Variants in CABCOCO1 observed in about 807,000 individuals in gnomAD.
CABCOCO1 encodes the protein ciliary-associated calcium-binding coiled-coil protein 1.
In CABCOCO1, 28 loss-of-function variants were observed where a neutral mutation model predicts 35.7. The observed-to-expected ratio is 0.78, with a 90% CI of 0.58 to 1.07. The LOEUF (loss-of-function observed/expected upper bound fraction) is 1.07, where lower values mean the gene tolerates loss of function less well. Among genes scored for constraint, CABCOCO1 ranks in the 50% least tolerant of loss-of-function variants. The pLI is 0.00. For missense variants in CABCOCO1, 326 were observed against 309.2 expected (o/e 1.05, Z -0.41); for synonymous variants, 95 against 100.1 (o/e 0.95, Z 0.30).
chr10:61,760,055 T>G lies in CABCOCO1; in HGVS notation c.553-4T>G. ...TCATAATTCAACTTTTTTCTTCCCA[T>G]CAGCAAGTGATAGAGGTTGTCAAGT... On this transcript the variant is annotated splice_polypyrimidine_tract_variant and splice_region_variant and intron_variant, in intron 5 of 7. Coordinates refer to ENST00000648843, the MANE Select transcript of CABCOCO1 (RefSeq NM_001366906.2). 14 of 1,612,336 alleles carry G rather than the reference T, an allele frequency of 8.7e-6. No homozygotes were observed. The highest frequency in any genetic ancestry group is 1.2e-5 in the Non-Finnish European group (14 of 1,179,002).
At chr10:61,717,602 C>CA (rs928136134) in intron 5 of CABCOCO1, among the ~76,000 whole-genome samples, 2 of 151,366 alleles carry the variant, frequency 1.3e-5, no homozygotes, top group African/African-American at 4.9e-5. Context: ...GGTGGAAAAA[C>CA]AAAAAAGGAG....
At chr10:61,686,302 A>G in intron 4 of CABCOCO1, 117 bp downstream of exon 4, 1 of 851,172 alleles carries the variant, frequency 1.2e-6, no homozygotes, top group Non-Finnish European at 1.7e-6. Context: ...TTTATGCCAT[A>G]ATTAGCCCAA....
Position 61,760,893 on chromosome 10 carries a change from T to C in CABCOCO1, c.706T>C (p.Ser236Pro). 6.2e-7 allele frequency: 1 copy of C among 1,612,436 alleles called. No individual in the cohort carries two copies. Among genetic ancestry groups the C allele is most frequent in the South Asian group, 1.1e-5 (1 of 91,006 alleles). Residue 236 changes from serine to proline, a missense_variant, in exon 7 of 8, where the codon TCT (serine) becomes CCT (proline). Coordinates refer to ENST00000648843, the MANE Select transcript of CABCOCO1 (RefSeq NM_001366906.2). The part of the protein sequence containing the change: ...RLDQEQGPEE[S>P]QPETDTSDMD... The stretch of plus-strand genomic sequence containing the variant: ...GGATCAAGAACAAGGCCCTGAGGAG[T>C]CTCAGCCAGAAACTGACACCTCAGA...
intron 2 of CABCOCO1, among the ~76,000 whole-genome samples, chr10:61,680,087 G>T (rs1179917525): frequency 6.6e-6 from 1 of 151,758 alleles, no homozygotes; most frequent in African/African-American, 2.4e-5. Context: ...AAGGCGGGCA[G>T]ATCACTTGAG....
intron 2 of CABCOCO1, among the ~76,000 whole-genome samples, chr10:61,680,700 ATG>A (rs1327448692): frequency 8.3e-6 from 1 of 120,936 alleles, no homozygotes; most frequent in Non-Finnish European, 1.7e-5. Context: ...TAACATATAT[ATG>A]TTATACATGT....
intron 5 of CABCOCO1, among the ~76,000 whole-genome samples, chr10:61,750,460 C>A (rs1470222345): frequency 6.6e-6 from 1 of 152,092 alleles, no homozygotes; most frequent in African/African-American, 2.4e-5. Context: ...CCTGTAATCC[C>A]AGCTACTTGG....
At chr10:61,760,698 C>T (rs1257164662) in intron 6 of CABCOCO1, among the ~76,000 whole-genome samples, 165 bp from the exon 7 acceptor site, 1 of 152,018 alleles carries the variant, frequency 6.6e-6, no homozygotes, top group Non-Finnish European at 1.5e-5. Flanking sequence ...TGCAGAAAAC[C>T]ACCATGGCAC....
chr10:61,720,917 C>CTTT lies in CABCOCO1; in HGVS notation c.552+30319_552+30321dup, dbSNP rs71018996. 2.3e-3 allele frequency among the ~76,000 whole-genome samples: 150 copies of CTTT among 66,014 alleles called. 1 individual carries two copies. The highest frequency in any genetic ancestry group is 4.3e-3 in the African/African-American group (83 of 19,480). The allele number at this position is 66,014 out of a possible 152,430, so 43.3% of individuals were successfully genotyped here. A position where few individuals can be genotyped will look rare whatever the true frequency, so the allele number is the denominator to read the frequency against. On this transcript the variant is annotated intron_variant, in intron 5 of 7. Transcript: ENST00000648843. ...TGCTTTTTCTTCTTTTCTTTTCATT[C>CTTT]TTTTTTTTTTTTTTTTTTTTTTTTT...
At chr10:61,761,676 C>G (rs968702909) in intron 7 of CABCOCO1, among the ~76,000 whole-genome samples, 5 of 152,062 alleles carry the variant, frequency 3.3e-5, no homozygotes, top group Non-Finnish European at 5.9e-5. Flanking sequence ...ATTTTGAGTA[C>G]ATTTGCAATT....
chr10:61,663,102 C>CGCG (rs963260843), intron 1 of CABCOCO1, 70 bp downstream of exon 1: 4 of 213,430 alleles, frequency 1.9e-5, no homozygotes, highest in African/African-American at 9.5e-5. Flanking sequence ...ATTCCCAGTC[C>CGCG]GCGGAGTCTG....
chr10:61,702,718 T>C (rs1840491739), intron 5 of CABCOCO1, among the ~76,000 whole-genome samples: 1 of 152,004 alleles, frequency 6.6e-6, no homozygotes. Context: ...GCTTGGTGAG[T>C]GTTTGACAGA....
chr10:61,678,167 A>G (rs1839581960), intron 2 of CABCOCO1, among the ~76,000 whole-genome samples: 1 of 152,112 alleles, frequency 6.6e-6, no homozygotes, highest in South Asian at 2.1e-4. Flanking sequence ...CTGATTTGGA[A>G]TAATACCTCT....
intron 5 of CABCOCO1, among the ~76,000 whole-genome samples, chr10:61,719,640 G>A (rs1050355809): frequency 1.3e-5 from 2 of 152,050 alleles, no homozygotes; most frequent in Non-Finnish European, 2.9e-5. Context: ...TGGTGTCATC[G>A]GGCCGGCGCA....
At position 61,739,603 on chromosome 10, in the gene CABCOCO1, GTT is replaced by G. The variant is rs35559098; in HGVS notation, c.553-20446_553-20445del. On this transcript the variant is annotated intron_variant, in intron 5 of 7. Coordinates refer to ENST00000648843, the MANE Select transcript of CABCOCO1 (RefSeq NM_001366906.2). ...AATTGGAAAATTAGGAAATTGCTAA[GTT>G]TTTTTTTTTAATGCTAGCATATAGC... Among the ~76,000 whole-genome samples the G allele has an allele frequency of 4.6e-4, 68 of 148,392 alleles. 1 individual carries two copies. The highest frequency in any genetic ancestry group is 1.6e-3 in the Admixed American group (24 of 14,866).
At chr10:61,751,213 C>CTTTTT (rs57540074) in intron 5 of CABCOCO1, among the ~76,000 whole-genome samples, 1 of 106,506 alleles carries the variant, frequency 9.4e-6, no homozygotes, top group Admixed American at 1.0e-4. Flanking sequence ...TTGCCTTGCT[C>CTTTTT]TTTTTTTTTT....
chr10:61,757,842 T>G (rs2132089512), intron 5 of CABCOCO1, among the ~76,000 whole-genome samples: 1 of 152,098 alleles, frequency 6.6e-6, no homozygotes, highest in East Asian at 1.9e-4. Flanking sequence ...AAATACCTGC[T>G]TACATTTAAG....
chr10:61,741,958 G>A (rs1841557554), intron 5 of CABCOCO1, among the ~76,000 whole-genome samples: 2 of 152,180 alleles, frequency 1.3e-5, no homozygotes, highest in Non-Finnish European at 2.9e-5. Flanking sequence ...ATCTTCTCTG[G>A]CTGCTGTTTG....
At chr10:61,707,113 A>G (rs1350542045) in intron 5 of CABCOCO1, among the ~76,000 whole-genome samples, 1 of 152,182 alleles carries the variant, frequency 6.6e-6, no homozygotes, top group Non-Finnish European at 1.5e-5. Context: ...TTGTTCATGT[A>G]TGTGCGTGGT....
At chr10:61,678,795 A>G (rs1839605357) in intron 2 of CABCOCO1, among the ~76,000 whole-genome samples, 1 of 152,128 alleles carries the variant, frequency 6.6e-6, no homozygotes, top group Non-Finnish European at 1.5e-5. Flanking sequence ...GGCCCATCAT[A>G]GAACAATAAT....
Sources: gnomAD v4.1 joint callset for allele counts (sites outside exome capture counted in the v4.1 genomes callset) on GRCh38, gnomAD v4.1.1 for gene constraint, MANE v1.5 for transcripts, NCBI Gene and HGNC (gene_info 2026-07-23, HGNC 2026-07-21) for gene names.